The following CHD1L variants were observed in gnomAD, a reference collection of about 807,000 sequenced individuals.
CHD1L encodes the protein ATP-dependent chromatin remodeler CHD1L.
Under a neutral mutation model 115.9 loss-of-function variants are expected in CHD1L, and 118 were observed. The ratio of observed to expected loss-of-function variants is 1.02; its 90% CI spans 0.88 to 1.19. The LOEUF is 1.19. CHD1L is among the 50% of genes most tolerant of loss of function. The pLI, the probability that CHD1L is intolerant of heterozygous loss-of-function variation, is 0.00. For missense variants in CHD1L, 1,179 were observed against 1,065.3 expected (o/e 1.11, Z -1.49); for synonymous variants, 411 against 387.1 (o/e 1.06, Z -0.72).
At chr1:147,292,368 G>A (rs1685861307) in intron 20 of CHD1L, among the ~76,000 whole-genome samples, 1 of 152,148 alleles carries the variant, frequency 6.6e-6, no homozygotes, top group African/African-American at 2.4e-5. Flanking sequence ...GGCATCTTGG[G>A]ATGCCTGTAG....
chr1:147,253,231 C>T (rs1441128765), intron 2 of CHD1L, among the ~76,000 whole-genome samples: 12 of 152,062 alleles, frequency 7.9e-5, no homozygotes. Flanking sequence ...TAAATTCTTG[C>T]TAGAATTCAC....
At chr1:147,179,245 G>A in the CHD1L span, 2 of 1,613,118 alleles carry the variant, frequency 1.2e-6, no homozygotes, top group South Asian at 1.1e-5. Context: ...TGATGGGCCT[G>A]TGAAGGTAGT....
At chr1:147,268,319 T>A (rs1674773260) in intron 9 of CHD1L, among the ~76,000 whole-genome samples, 1 of 152,136 alleles carries the variant, frequency 6.6e-6, no homozygotes, top group South Asian at 2.1e-4. Flanking sequence ...CTAGATAGGA[T>A]CAGTACAGAG....
At chr1:147,228,402 T>C in the CHD1L span, among the ~76,000 whole-genome samples, 3 of 152,168 alleles carry the variant, frequency 2.0e-5, no homozygotes, top group Non-Finnish European at 4.4e-5. Context: ...CTTAATCCAG[T>C]CTATCATTGT....
chr1:147,283,998 G>A (rs1480525813), intron 15 of CHD1L, among the ~76,000 whole-genome samples: 1 of 152,148 alleles, frequency 6.6e-6, no homozygotes, highest in African/African-American at 2.4e-5. Flanking sequence ...AAAAAAGTAC[G>A]GATTTTATTA....
chr1:147,210,238 T>C, the CHD1L span: 17 of 152,240 alleles, frequency 1.1e-4, no homozygotes, highest in Non-Finnish European at 2.2e-4. Context: ...GTTTGATTGA[T>C]TATTTAATGG....
the CHD1L span, chr1:147,186,914 T>C: frequency 3.1e-6 from 5 of 1,613,432 alleles, no homozygotes; most frequent in Non-Finnish European, 4.2e-6. Flanking sequence ...AAGTAAGCTA[T>C]AATTATAGCA....
the CHD1L span, among the ~76,000 whole-genome samples, chr1:147,194,529 T>G: frequency 2.0e-5 from 3 of 152,200 alleles, no homozygotes; most frequent in Non-Finnish European, 4.4e-5. Flanking sequence ...TATTGTTATG[T>G]GTGAATTTGG....
chr1:147,263,043 G>A (rs1268373623), intron 6 of CHD1L, among the ~76,000 whole-genome samples: 7 of 151,846 alleles, frequency 4.6e-5, no homozygotes, highest in African/African-American at 9.7e-5. Context: ...ATACATACAT[G>A]TATGTAAATG....
Position 147,276,211 on chromosome 1 carries a change from AT to A in CHD1L, c.1497del (p.Phe499LeufsTer16), listed in dbSNP as rs782488500. ...QLTNMIIEGG[H>X]FTLGAQKPAA... The stretch of plus-strand genomic sequence containing the variant: ...ACCAACATGATCATAGAAGGAGGCC[AT>A]TTTACTCTGGGAGCCCAGAAACCCG... On this transcript the variant is annotated frameshift_variant, in exon 14 of 23. Transcript: ENST00000369258. LOFTEE classifies it high-confidence loss of function. The A allele has an allele frequency of 3.1e-6, 5 of 1,614,174 alleles. No homozygotes were observed. The highest frequency in any genetic ancestry group is 4.2e-6 in the Non-Finnish European group (5 of 1,180,022).
chr1:147,284,330 CTTTG>C lies in CHD1L; in HGVS notation c.1706-19_1706-16del. On this transcript the variant is annotated splice_polypyrimidine_tract_variant and intron_variant, in intron 15 of 22. Transcript: ENST00000369258. ...TTTCCTTGGTATCTAACATTTCTCT[CTTTG>C]TGTTTTATGTTGTTAGAAAATCATA... The C allele has an allele frequency of 6.6e-7, 1 of 1,524,266 alleles. No homozygotes were observed. The highest frequency in any genetic ancestry group is 8.9e-7 in the Non-Finnish European group (1 of 1,129,066). The allele number at this position is 1,524,266 out of a possible 1,614,324, so 94.4% of individuals were successfully genotyped here. A position where few individuals can be genotyped will look rare whatever the true frequency, so the allele number is the denominator to read the frequency against.
chr1:147,176,862 G>GT, the CHD1L span, among the ~76,000 whole-genome samples: 1 of 152,162 alleles, frequency 6.6e-6, no homozygotes, highest in Middle Eastern at 3.4e-3. Context: ...GAGTAGGCAT[G>GT]TGATCATTAA....
chr1:147,196,085 C>T, the CHD1L span, among the ~76,000 whole-genome samples: 1 of 152,276 alleles, frequency 6.6e-6, no homozygotes, highest in East Asian at 1.9e-4. Flanking sequence ...TTTAAGTCTT[C>T]TCATTATCAG....
At chr1:147,284,629 ATGT>A (rs1387597420) in intron 16 of CHD1L, 130 bp downstream of exon 16, 2 of 822,614 alleles carry the variant, frequency 2.4e-6, no homozygotes, top group Non-Finnish European at 3.6e-6. Context: ...GTTTGCTGAA[ATGT>A]TATTATAATT....
At chr1:147,292,335 C>T (rs1192771221) in intron 20 of CHD1L, among the ~76,000 whole-genome samples, 3 of 152,206 alleles carry the variant, frequency 2.0e-5, no homozygotes, top group African/African-American at 7.2e-5. Flanking sequence ...CCTCTGCCCA[C>T]ATCAGAATCC....
rs1553946614 is a variant in CHD1L at position 147,264,522 on chromosome 1, C to T, written c.677C>T (p.Ser226Phe). Residue 226 changes from serine (S) to phenylalanine (F), a missense_variant, in exon 7 of 23, where the codon TCC (serine) becomes TTC (phenylalanine). Ser to Phe is a radical substitution (Grantham distance 155). Transcript: ENST00000369258. ...LLSFVEPDLF[S>F]KEEVGDFIQR... is the part of the protein sequence containing the mutation. Reference sequence around the variant, plus strand: ...AGTTTTGTGGAGCCTGATCTCTTTTCCAAGGAAGAGGTGGGAGATTTTATT... The same window carrying T: ...AGTTTTGTGGAGCCTGATCTCTTTTTCAAGGAAGAGGTGGGAGATTTTATT... 6.2e-7 allele frequency: 1 copy of T among 1,614,074 alleles called. No homozygotes were observed. The highest frequency in any genetic ancestry group is 1.1e-5 in the South Asian group (1 of 91,066).
chr1:147,198,378 G>A, the CHD1L span, among the ~76,000 whole-genome samples: 2 of 152,122 alleles, frequency 1.3e-5, no homozygotes, highest in African/African-American at 2.4e-5. Flanking sequence ...CAAAGGGAGG[G>A]AAGAAATATG....
the CHD1L span, among the ~76,000 whole-genome samples, chr1:147,180,188 A>C: frequency 3.3e-5 from 5 of 152,208 alleles, no homozygotes; most frequent in Admixed American, 1.3e-4. Context: ...TACATGAGGA[A>C]GTCCAGTGTC....
chr1:147,184,519 G>A, the CHD1L span: 37 of 1,546,664 alleles, frequency 2.4e-5, no homozygotes, highest in Non-Finnish European at 3.1e-5. The surrounding 1 kb of genome is among the most constrained non-coding windows in gnomAD (Gnocchi z 4.4). Context: ...CCTTTATTCC[G>A]GGACAATTTC....
Sources: allele counts gnomAD v4.1 joint callset (sites outside exome capture counted in the v4.1 genomes callset), GRCh38; gene constraint gnomAD v4.1.1; non-coding constraint Gnocchi (gnomAD v3.1); transcripts MANE v1.5; gene names NCBI Gene and HGNC (gene_info 2026-07-23, HGNC 2026-07-21).